Variants in ETFA observed in about 807,000 individuals in gnomAD.
ETFA encodes the protein electron transfer flavoprotein subunit alpha, mitochondrial.
In ETFA, 22 loss-of-function variants were observed where a neutral mutation model predicts 46.2. The observed-to-expected ratio is 0.48, with a 90% CI of 0.34 to 0.68. ETFA has a LOEUF of 0.68. ETFA is among the 30% of genes least tolerant of loss of function. The pLI is 0.01. For missense variants in ETFA, 345 were observed against 401.1 expected (o/e 0.86, Z 1.19); for synonymous variants, 131 against 139.9 (o/e 0.94, Z 0.45).
chr15:76,217,993 G>A (rs2038914980), intron 11 of ETFA, among the ~76,000 whole-genome samples: 1 of 152,240 alleles, frequency 6.6e-6, no homozygotes, highest in Non-Finnish European at 1.5e-5. Flanking sequence ...GGCATTAAGT[G>A]CTGGCACCAC....
intron 9 of ETFA, among the ~76,000 whole-genome samples, chr15:76,263,748 G>A (rs953011600): frequency 9.9e-5 from 15 of 152,160 alleles, no homozygotes; most frequent in Admixed American, 4.6e-4. Context: ...CATTTCAAAC[G>A]ATGATGAGGC....
At chr15:76,292,303 C>T in intron 4 of ETFA, 128 bp downstream of exon 4, 2 of 734,352 alleles carry the variant, frequency 2.7e-6, no homozygotes, top group South Asian at 1.6e-5. Flanking sequence ...TAAATTTTAG[C>T]AAAACTACCA....
At chr15:76,248,920 T>G (rs1394088723) in intron 9 of ETFA, among the ~76,000 whole-genome samples, 3 of 151,300 alleles carry the variant, frequency 2.0e-5, no homozygotes, top group African/African-American at 7.3e-5. Flanking sequence ...AAGAAAAAGA[T>G]AACTTAATAG....
chr15:76,288,062 A>G, intron 4 of ETFA, 117 bp from the exon 5 acceptor site: 1 of 734,148 alleles, frequency 1.4e-6, no homozygotes, highest in Non-Finnish European at 2.4e-6. Flanking sequence ...CAAATATTTT[A>G]TATTTCGTGT....
chr15:76,243,276 A>C (rs2039209614), intron 9 of ETFA, among the ~76,000 whole-genome samples: 1 of 152,068 alleles, frequency 6.6e-6, no homozygotes. Flanking sequence ...ATCTCAAAAA[A>C]AAAAGAAAAG....
At chr15:76,222,060 C>T (rs1050509033) in intron 11 of ETFA, among the ~76,000 whole-genome samples, 15 of 151,884 alleles carry the variant, frequency 9.9e-5, no homozygotes, top group African/African-American at 2.2e-4. Flanking sequence ...CCTTTCTGTA[C>T]GCTATTATTT....
At chr15:76,267,550 G>A (rs2039483370) in intron 9 of ETFA, among the ~76,000 whole-genome samples, 1 of 151,902 alleles carries the variant, frequency 6.6e-6, no homozygotes. Flanking sequence ...AGCCATTACT[G>A]TTTTTACTGA....
At chr15:76,216,719 C>T (rs1042705788) in intron 11 of ETFA, 122 bp from the exon 12 acceptor site, 8 of 705,374 alleles carry the variant, frequency 1.1e-5, no homozygotes, top group Non-Finnish European at 1.8e-5. Context: ...GGCACGAGGG[C>T]CCCCTCCTCT....
intron 10 of ETFA, chr15:76,228,325 C>T: frequency 3.6e-6 from 1 of 277,370 alleles, no homozygotes; most frequent in South Asian, 3.8e-5. Flanking sequence ...GCTGGGACCA[C>T]AGGGGTGTAC....
intron 9 of ETFA, among the ~76,000 whole-genome samples, chr15:76,258,165 T>A (rs1394620243): frequency 7.1e-6 from 1 of 141,030 alleles, no homozygotes; most frequent in African/African-American, 2.9e-5. Context: ...AAACTTAAAG[T>A]ATAATAATAA....
At chr15:76,221,411 G>A (rs2038955269) in intron 11 of ETFA, among the ~76,000 whole-genome samples, 1 of 152,206 alleles carries the variant, frequency 6.6e-6, no homozygotes, top group African/African-American at 2.4e-5. Context: ...TGTGATAGTG[G>A]TTGTGTAACT....
At chr15:76,228,175 T>G (rs991410177) in intron 10 of ETFA, 1 of 361,130 alleles carries the variant, frequency 2.8e-6, no homozygotes, top group Non-Finnish European at 5.4e-6. Flanking sequence ...CATTATACTA[T>G]ATAACAATTG....
intron 9 of ETFA, among the ~76,000 whole-genome samples, chr15:76,253,913 A>T (rs2039325713): frequency 6.6e-6 from 1 of 152,242 alleles, no homozygotes; most frequent in Non-Finnish European, 1.5e-5. Flanking sequence ...GCCCTAAGGG[A>T]ATAGCTTGTA....
chr15:76,290,087 T>C (rs1190509492), intron 4 of ETFA, among the ~76,000 whole-genome samples: 2 of 152,206 alleles, frequency 1.3e-5, no homozygotes, highest in East Asian at 3.8e-4. Context: ...CTACCAAGTG[T>C]TGACAATTAA....
chr15:76,283,887 T>C, intron 7 of ETFA, 62 bp from the exon 8 acceptor site: 1 of 1,264,736 alleles, frequency 7.9e-7, no homozygotes, highest in East Asian at 2.3e-5. Context: ...GGAACAATTT[T>C]GCTATTTTAT....
At chr15:76,270,420 T>C (rs1326904526) in intron 9 of ETFA, among the ~76,000 whole-genome samples, 1 of 152,202 alleles carries the variant, frequency 6.6e-6, no homozygotes, top group Admixed American at 6.5e-5. Context: ...ATACAACTGA[T>C]ACAGAAATAT....
chr15:76,266,891 G>A lies in ETFA; in HGVS notation c.816+7521C>T, dbSNP rs992535203. Among the ~76,000 whole-genome samples, 13 of 147,674 alleles carry A rather than the reference G, an allele frequency of 8.8e-5. 1 individual carries two copies. Among genetic ancestry groups the A allele is most frequent in the East Asian group, 6.2e-4 (3 of 4,870 alleles). On this transcript the variant is annotated intron_variant, in intron 9 of 11. Transcript: ENST00000557943. ...TGCACTCCAGCCTGGGCGACAAAGC[G>A]AGACTCCGTTTAAAAAAAAAAAAAA...
intron 1 of ETFA, among the ~76,000 whole-genome samples, chr15:76,307,343 C>A (rs1417801601): frequency 6.6e-5 from 10 of 152,082 alleles, no homozygotes; most frequent in Admixed American, 6.5e-4. Flanking sequence ...CATTGCCACA[C>A]ACATAAGGAT....
At chr15:76,241,158 T>G (rs1469940563) in intron 9 of ETFA, among the ~76,000 whole-genome samples, 1 of 152,162 alleles carries the variant, frequency 6.6e-6, no homozygotes, top group African/African-American at 2.4e-5. Context: ...TACTTGAACA[T>G]GTAATCAAGT....
Sources: allele counts gnomAD v4.1 joint callset (sites outside exome capture counted in the v4.1 genomes callset), GRCh38; gene constraint gnomAD v4.1.1; transcripts MANE v1.5; gene names NCBI Gene and HGNC (gene_info 2026-07-23, HGNC 2026-07-21).